The following MID1 variants were observed in gnomAD, a reference collection of about 807,000 sequenced individuals.
MID1 encodes E3 ubiquitin-protein ligase Midline-1.
MID1 carries 7 observed loss-of-function variants against 40.4 expected under a neutral mutation model. That is an observed-to-expected ratio of 0.17 (90% CI 0.10 to 0.33). The LOEUF is 0.33. MID1 is among the 10% of genes least tolerant of loss of function. The pLI is 1.00. For missense variants in MID1, 367 were observed against 558.5 expected (o/e 0.66, Z 3.46); for synonymous variants, 229 against 221.2 (o/e 1.04, Z -0.31).
intron 1 of MID1, among the ~76,000 whole-genome samples, chrX:10,810,401 TA>T (rs1453104513): frequency 3.6e-5 from 4 of 112,175 alleles, no homozygotes; most frequent in African/African-American, 1.3e-4. Context: ...TATCACATTT[TA>T]TTTATCCATT....
intron 1 of MID1, among the ~76,000 whole-genome samples, chrX:10,827,119 C>A (rs2044221151): frequency 9.0e-6 from 1 of 111,570 alleles, no homozygotes; most frequent in African/African-American, 3.3e-5. Flanking sequence ...ACAACAAAAT[C>A]ATTCTCTAAT....
chrX:10,792,444 C>A (rs935529876), intron 1 of MID1, among the ~76,000 whole-genome samples: 2 of 112,364 alleles, frequency 1.8e-5, no homozygotes, highest in African/African-American at 6.5e-5. Flanking sequence ...AATCAATAAA[C>A]TCTGACTGAC....
chrX:10,499,824 C>T (rs1490221121), intron 3 of MID1, among the ~76,000 whole-genome samples: 1 of 112,292 alleles, frequency 8.9e-6, no homozygotes, highest in Non-Finnish European at 1.9e-5. Context: ...CCAGTGAGAA[C>T]CCACTGCTAA....
chrX:10,573,584 T>C (rs1342467094), intron 1 of MID1, among the ~76,000 whole-genome samples: 1 of 111,913 alleles, frequency 8.9e-6, no homozygotes, highest in East Asian at 2.8e-4. Flanking sequence ...CAACATGAGT[T>C]TTGGTGGGGA....
rs1193611922 is a variant in MID1 at position 10,445,937 on chromosome X, T to A, written c.*3431A>T. 9.0e-6 allele frequency: 1 copy of A among 111,579 alleles called. No homozygotes were observed. The highest frequency in any genetic ancestry group is 1.9e-5 in the Non-Finnish European group (1 of 53,131). The allele number at this position is 111,579 out of a possible 1,213,427, so 9.2% of individuals were successfully genotyped here. Reference sequence around the variant, plus strand: ...AAAGGTTTTTATGAGAGTTTTGCATTAAAAGAAAACCAACGATCAAGTTTC... The same window carrying A: ...AAAGGTTTTTATGAGAGTTTTGCATAAAAAGAAAACCAACGATCAAGTTTC... On this transcript the variant is annotated 3_prime_UTR_variant, in exon 10 of 10. Transcript: ENST00000317552.
chrX:10,582,613 AC>A (rs1935044347), intron 1 of MID1, among the ~76,000 whole-genome samples: 1 of 112,065 alleles, frequency 8.9e-6, no homozygotes, highest in Non-Finnish European at 1.9e-5. Context: ...GAACTTCCTT[AC>A]CAACGGCTCC....
At chrX:10,511,805 G>T (rs1369682450) in intron 3 of MID1, among the ~76,000 whole-genome samples, 4 of 112,463 alleles carry the variant, frequency 3.6e-5, no homozygotes, top group African/African-American at 9.7e-5. Context: ...ATATCTTGGG[G>T]ATAGGACCCA....
intron 1 of MID1, among the ~76,000 whole-genome samples, chrX:10,753,791 G>T (rs996501852): frequency 8.9e-6 from 1 of 112,285 alleles, no homozygotes; most frequent in Non-Finnish European, 1.9e-5. Flanking sequence ...AAATAGTGAT[G>T]CATGTATTGG....
intron 1 of MID1, among the ~76,000 whole-genome samples, chrX:10,573,203 A>T (rs886278510): frequency 8.9e-6 from 1 of 112,177 alleles, no homozygotes; most frequent in Non-Finnish European, 1.9e-5. Flanking sequence ...ATGTTTTCAC[A>T]CCTCCCTCTT....
chrX:10,775,707 C>T (rs775082664), intron 1 of MID1, among the ~76,000 whole-genome samples: 8 of 111,653 alleles, frequency 7.2e-5, no homozygotes, highest in African/African-American at 1.9e-4. Context: ...ACAAGCTAGC[C>T]TTGGCCTTCC....
chrX:10,689,702 T>A (rs937241654), intron 1 of MID1, among the ~76,000 whole-genome samples: 123 of 110,273 alleles, frequency 1.1e-3, no homozygotes, highest in African/African-American at 4.0e-3. Flanking sequence ...TGTAGATTTT[T>A]TTTTTTTTTA....
intron 5 of MID1, among the ~76,000 whole-genome samples, chrX:10,479,926 T>C (rs1281816296): frequency 2.7e-5 from 3 of 111,992 alleles, no homozygotes; most frequent in African/African-American, 9.7e-5. Context: ...AAACTGTTCC[T>C]GAACCCAATT....
At chrX:10,606,454 C>T (rs1211881922) in intron 1 of MID1, among the ~76,000 whole-genome samples, 7 of 111,112 alleles carry the variant, frequency 6.3e-5, no homozygotes, top group Non-Finnish European at 1.3e-4. Flanking sequence ...TTTTCCTTTG[C>T]CTGTTTTGCA....
chrX:10,640,389 A>G (rs1233899277), intron 1 of MID1, among the ~76,000 whole-genome samples: 2 of 111,138 alleles, frequency 1.8e-5, no homozygotes, highest in Non-Finnish European at 3.8e-5. Flanking sequence ...AACAGACTTT[A>G]AACCAACAAA....
chrX:10,521,713 G>A lies in MID1; in HGVS notation c.756+1379C>T, dbSNP rs149931335. On this transcript the variant is annotated intron_variant, in intron 3 of 9. Transcript: ENST00000317552. ...TTGTTGCAATTGTGGTTTATTTCAT[G>A]GAAACATATCTGACAACTAAGATGC... Among the ~76,000 whole-genome samples the A allele has an allele frequency of 4.1e-4, 46 of 112,183 alleles. 1 individual carries two copies. Among genetic ancestry groups the A allele is most frequent in the African/African-American group, 1.5e-3 (45 of 30,875 alleles).
intron 1 of MID1, among the ~76,000 whole-genome samples, chrX:10,692,176 G>A (rs1257663717): frequency 9.0e-6 from 1 of 111,242 alleles, no homozygotes; most frequent in Non-Finnish European, 1.9e-5. Context: ...TGTGATCTTT[G>A]TGACTTACTT....
intron 1 of MID1, among the ~76,000 whole-genome samples, chrX:10,693,867 G>C (rs771526404): frequency 8.9e-6 from 1 of 112,042 alleles, no homozygotes; most frequent in Admixed American, 9.5e-5. Flanking sequence ...CTAAACTTGC[G>C]AGGACAGTGA....
intron 2 of MID1, among the ~76,000 whole-genome samples, chrX:10,547,356 T>C (rs1317631322): frequency 9.1e-6 from 1 of 109,856 alleles, no homozygotes; most frequent in African/African-American, 3.3e-5. Flanking sequence ...GCGGATCACC[T>C]GAGGTCGGGA....
At chrX:10,491,327 CTTTA>C (rs1930938016) in intron 4 of MID1, among the ~76,000 whole-genome samples, 1 of 110,862 alleles carries the variant, frequency 9.0e-6, no homozygotes, top group African/African-American at 3.3e-5. Flanking sequence ...ACTTTTCTTC[CTTTA>C]TTTCTTTCCT....
Sources: gnomAD v4.1 joint callset for allele counts (sites outside exome capture counted in the v4.1 genomes callset) on GRCh38, gnomAD v4.1.1 for gene constraint, MANE v1.5 for transcripts, NCBI Gene and HGNC (gene_info 2026-07-23, HGNC 2026-07-21) for gene names.